The following RNF150 variants were observed in gnomAD, a reference collection of about 807,000 sequenced individuals.
RNF150 encodes the protein ring finger protein 150.
In RNF150, 24 loss-of-function variants were observed where a neutral mutation model predicts 39.3. That is an observed-to-expected ratio of 0.61 (90% CI 0.44 to 0.86). RNF150 has a LOEUF of 0.86. Among genes scored for constraint, RNF150 ranks in the 40% least tolerant of loss-of-function variants. The pLI is 0.00. For synonymous variants in RNF150, 255 were observed against 227.3 expected, an observed-to-expected ratio of 1.12 and a Z score of -1.10; for missense variants, 502 against 587.8, an observed-to-expected ratio of 0.85 and a Z score of 1.51.
At chr4:140,929,645 C>A (rs1006992347) in intron 4 of RNF150, among the ~76,000 whole-genome samples, 1 of 151,996 alleles carries the variant, frequency 6.6e-6, no homozygotes, top group South Asian at 2.1e-4. Context: ...GGATTACAGG[C>A]GTGAGACACC....
At chr4:140,951,574 A>G (rs1732543084) in intron 2 of RNF150, among the ~76,000 whole-genome samples, 1 of 151,502 alleles carries the variant, frequency 6.6e-6, no homozygotes, top group Non-Finnish European at 1.5e-5. Flanking sequence ...TTTGCAAGGA[A>G]AACAACCTGA....
chr4:141,035,781 T>C (rs1450355958), intron 1 of RNF150, among the ~76,000 whole-genome samples: 2 of 152,306 alleles, frequency 1.3e-5, no homozygotes, highest in Non-Finnish European at 1.5e-5. Flanking sequence ...GAAAAGATTG[T>C]TCAAGATACT....
rs377250994 is a variant in RNF150, at chr4:140,925,978, G to A, written c.986C>T (p.Pro329Leu). ...TGCTGTAGGCTGTGCTGTGCTTACCGGGATCCCTAGGGCTTTAAGAATGTT... is the reference window on the plus strand; with the variant it reads ...TGCTGTAGGCTGTGCTGTGCTTACCAGGATCCCTAGGGCTTTAAGAATGTT... ...KMNILKALGI[P>L]PNADCMDDLP... Residue 329 changes from proline to leucine, a missense_variant and splice_region_variant, in exon 5 of 7, where the codon CCG (proline) becomes CTG (leucine). By Grantham distance (98) the Pro-to-Leu change is moderately conservative. Transcript: ENST00000515673. 6 of 1,606,646 alleles carry A rather than the reference G, an allele frequency of 3.7e-6. No individual in the cohort carries two copies. Among genetic ancestry groups the A allele is most frequent in the South Asian group, 3.3e-5 (3 of 90,912 alleles).
At chr4:141,013,226 G>A (rs1578631384) in intron 1 of RNF150, among the ~76,000 whole-genome samples, 1 of 152,056 alleles carries the variant, frequency 6.6e-6, no homozygotes, top group East Asian at 1.9e-4. Context: ...GTGATGGCTC[G>A]GATGGACAGT....
intron 1 of RNF150, among the ~76,000 whole-genome samples, chr4:140,981,995 T>C (rs1733875846): frequency 6.6e-6 from 1 of 152,158 alleles, no homozygotes; most frequent in Non-Finnish European, 1.5e-5. Context: ...CCATCACATG[T>C]TTTTCACCAT....
intron 1 of RNF150, among the ~76,000 whole-genome samples, chr4:141,039,901 G>A (rs1293039081): frequency 6.6e-6 from 1 of 152,058 alleles, no homozygotes; most frequent in Non-Finnish European, 1.5e-5. Flanking sequence ...TGTAATATAG[G>A]AAGAAGCACG....
intron 1 of RNF150, among the ~76,000 whole-genome samples, chr4:141,208,607 G>A (rs1728414670): frequency 6.6e-6 from 1 of 152,140 alleles, no homozygotes; most frequent in African/African-American, 2.4e-5. Flanking sequence ...ACAAAGGAAT[G>A]GAAAGTCTAT....
intron 1 of RNF150, among the ~76,000 whole-genome samples, chr4:141,085,294 A>T (rs1421568917): frequency 1.3e-5 from 2 of 152,036 alleles, no homozygotes; most frequent in Non-Finnish European, 2.9e-5. Context: ...TGATCAATTA[A>T]CTCCCACCAG....
intron 1 of RNF150, chr4:140,996,824 C>T (rs1263627568): frequency 1.3e-5 from 2 of 151,908 alleles, no homozygotes; most frequent in African/African-American, 2.4e-5. Context: ...GTGGTACAGA[C>T]CAAGTATAAA....
At chr4:140,930,685 T>C (rs1292330718) in intron 4 of RNF150, among the ~76,000 whole-genome samples, 1 of 152,220 alleles carries the variant, frequency 6.6e-6, no homozygotes, top group South Asian at 2.1e-4. Flanking sequence ...ATTTTCTCTG[T>C]GTCACTTCAA....
chr4:141,055,762 A>G (rs563539477), intron 1 of RNF150, among the ~76,000 whole-genome samples: 287 of 152,338 alleles, frequency 1.9e-3, no homozygotes, highest in African/African-American at 6.7e-3. Context: ...TAAAATAGAA[A>G]GGAAGGGAGG....
intron 1 of RNF150, among the ~76,000 whole-genome samples, chr4:141,009,396 C>T (rs577840072): frequency 5.9e-5 from 9 of 152,276 alleles, no homozygotes; most frequent in Non-Finnish European, 8.8e-5. Context: ...CCTTACTGTC[C>T]GTGTGATGCT....
At chr4:141,080,508 CTTAA>C (rs897086078) in intron 1 of RNF150, among the ~76,000 whole-genome samples, 3 of 152,138 alleles carry the variant, frequency 2.0e-5, no homozygotes, top group Non-Finnish European at 4.4e-5. Context: ...CTTCTAATTT[CTTAA>C]TTAGTTTCAT....
intron 1 of RNF150, among the ~76,000 whole-genome samples, chr4:141,159,747 T>G (rs1727479205): frequency 6.6e-6 from 1 of 152,162 alleles, no homozygotes; most frequent in African/African-American, 2.4e-5. Flanking sequence ...TTCGTCATGT[T>G]TGCCCAGGCT....
intron 1 of RNF150, among the ~76,000 whole-genome samples, chr4:141,104,606 A>T (rs1425958947): frequency 6.6e-6 from 1 of 152,206 alleles, no homozygotes; most frequent in African/African-American, 2.4e-5. Context: ...ACAACAAATG[A>T]TACACTGAAT....
chr4:141,138,184 A>G (rs939352991), upstream of RNF150, among the ~76,000 whole-genome samples: 3 of 152,230 alleles, frequency 2.0e-5, no homozygotes, highest in Non-Finnish European at 2.9e-5. Context: ...ATTTAAAAAT[A>G]CAATTCCTCC....
intron 1 of RNF150, among the ~76,000 whole-genome samples, chr4:141,169,624 G>C (rs1389027692): frequency 6.6e-6 from 1 of 151,960 alleles, no homozygotes; most frequent in African/African-American, 2.4e-5. Context: ...GCCTGACATG[G>C]GCTTCATCTT....
intron 1 of RNF150, among the ~76,000 whole-genome samples, chr4:140,986,169 C>A (rs1421122874): frequency 6.6e-6 from 1 of 152,060 alleles, no homozygotes; most frequent in Non-Finnish European, 1.5e-5. Flanking sequence ...CAACGTTACC[C>A]TCTTTAAAAG....
rs181957690 is a variant in RNF150, at chr4:140,893,918, T to A, written c.1198+17226A>T. 8.5e-3 allele frequency among the ~76,000 whole-genome samples: 1,297 copies of A among 152,290 alleles called. 18 individuals are homozygous for A. Among genetic ancestry groups the A allele is most frequent in the African/African-American group, 0.029 (1,206 of 41,538 alleles). Reference sequence around the variant, plus strand: ...ACAGAGGCATTTCATCCTAATATTCTCCAATATATGTACAAAAGGCCAAAT... The same window carrying A: ...ACAGAGGCATTTCATCCTAATATTCACCAATATATGTACAAAAGGCCAAAT... On this transcript the variant is annotated intron_variant, in intron 6 of 6. Transcript: ENST00000515673.
Sources: allele counts gnomAD v4.1 joint callset (sites outside exome capture counted in the v4.1 genomes callset), GRCh38; gene constraint gnomAD v4.1.1; transcripts MANE v1.5; gene names NCBI Gene and HGNC (gene_info 2026-07-23, HGNC 2026-07-21).